The following POLR2K variants were observed in gnomAD, a reference collection of about 807,000 sequenced individuals.
POLR2K encodes the protein DNA-directed RNA polymerases I, II, and III subunit RPABC4.
POLR2K carries 9 observed loss-of-function variants against 10.1 expected under a neutral mutation model. That is an observed-to-expected ratio of 0.89 (90% CI 0.54 to 1.56). POLR2K has a LOEUF of 1.56. Ranked by LOEUF, POLR2K falls within the 40% of genes most tolerant of loss-of-function variation. POLR2K has a pLI of 0.00. For missense variants in POLR2K, 53 were observed against 71.9 expected (o/e 0.74, Z 0.95); for synonymous variants, 19 against 20.3 (o/e 0.94, Z 0.17).
chr8:100,151,674 CTATTTAATA>C, intron 2 of POLR2K, 141 bp from the exon 3 acceptor site: 2 of 594,392 alleles, frequency 3.4e-6, no homozygotes, highest in Non-Finnish European at 3.0e-6. Flanking sequence ...TTTTTCTTTC[CTATTTAATA>C]TATTTAATAA....
At chr8:100,152,750 A>G (rs547494533) in intron 3 of POLR2K, among the ~76,000 whole-genome samples, 1 of 151,992 alleles carries the variant, frequency 6.6e-6, no homozygotes, top group East Asian at 1.9e-4. Context: ...ACATTACTTT[A>G]GTGTTTTTTT....
Position 100,153,299 on chromosome 8 carries a change from GT to G in POLR2K, c.165del (p.Phe55LeufsTer29). The G allele has an allele frequency of 1.9e-6, 3 of 1,608,506 alleles. No homozygotes were observed. The highest frequency in any genetic ancestry group is 2.6e-6 in the Non-Finnish European group (3 of 1,176,056). On this transcript the variant is annotated frameshift_variant, in exon 4 of 4. Coordinates refer to ENST00000353107, the MANE Select transcript of POLR2K (RefSeq NM_005034.4). LOFTEE classifies it high-confidence loss of function. ...MYKKRTKRLV[V>X]FDAR ...CTTAACTCAAATTAATACAGTGGTCGTTTTTGATGCTCGATGAATGCTGGGA... is the reference window on the plus strand; with the variant it reads ...CTTAACTCAAATTAATACAGTGGTCGTTTTGATGCTCGATGAATGCTGGGA...
intron 1 of POLR2K, 55 bp from the exon 2 acceptor site, chr8:100,151,292 A>G: frequency 8.8e-7 from 1 of 1,132,760 alleles, no homozygotes; most frequent in Non-Finnish European, 1.4e-6. Context: ...ATGGGCCCGG[A>G]TGGACTTGTG....
chr8:100,152,876 TC>T (rs377065078), intron 3 of POLR2K, among the ~76,000 whole-genome samples: 12 of 152,154 alleles, frequency 7.9e-5, no homozygotes, highest in Admixed American at 2.0e-4. Context: ...CATGGCATTC[TC>T]CTGCCTCAGC....
At chr8:100,153,237 C>T in intron 3 of POLR2K, 57 bp from the exon 4 acceptor site, 1 of 1,293,776 alleles carries the variant, frequency 7.7e-7, no homozygotes, top group East Asian at 2.5e-5. Context: ...GACTTTGAAA[C>T]CTTCAGTCTT....
chr8:100,151,871 A>G lies in POLR2K; in HGVS notation c.109A>G (p.Arg37Gly). 6.4e-7 allele frequency: 1 copy of G among 1,566,792 alleles called. No homozygotes were observed. Among genetic ancestry groups the G allele is most frequent in the Non-Finnish European group, 8.8e-7 (1 of 1,139,710 alleles). ...EIKSRDPIRCRECGYRIMYKK... is the reference protein window; with the variant it reads ...EIKSRDPIRCGECGYRIMYKK... Reference sequence around the variant, plus strand: ...AAAATCTAGGGATCCAATCAGATGCAGAGAATGTGGATACAGAATAATGTA... The same window carrying G: ...AAAATCTAGGGATCCAATCAGATGCGGAGAATGTGGATACAGAATAATGTA... Residue 37 changes from arginine to glycine, a missense_variant, in exon 3 of 4, where the codon AGA (arginine) becomes GGA (glycine). By Grantham distance (125) the Arg-to-Gly change is moderately radical. Coordinates refer to ENST00000353107, the MANE Select transcript of POLR2K (RefSeq NM_005034.4).
intron 2 of POLR2K, 148 bp from the exon 3 acceptor site, chr8:100,151,676 A>G: frequency 1.7e-6 from 1 of 595,852 alleles, no homozygotes; most frequent in Non-Finnish European, 3.0e-6. Context: ...TTTCTTTCCT[A>G]TTTAATATAT....
In POLR2K at chr8:100,151,195, A is replaced by G. The variant is rs555986593; in HGVS notation, c.-9-152A>G. 368 of 650,890 alleles carry G rather than the reference A, an allele frequency of 5.7e-4. 2 individuals carry two copies. Among genetic ancestry groups the G allele is most frequent in the East Asian group, 4.2e-3 (155 of 36,802 alleles). 40.3% of individuals were successfully genotyped at this position (650,890 alleles called of 1,614,324 possible). On this transcript the variant is annotated intron_variant, in intron 1 of 3. Transcript: ENST00000353107. ...GGGTAAACGCTCAATACTTGTGTGT[A>G]TGCGTTTCGTCCTTGAGACCTAACC...
rs1170666631 is a variant in POLR2K at position 100,151,405 on chromosome 8, A to G, written c.50A>G (p.Tyr17Cys). 3.8e-6 allele frequency: 6 copies of G among 1,598,510 alleles called. No individual in the cohort carries two copies. Among genetic ancestry groups the G allele is most frequent in the Non-Finnish European group, 4.3e-6 (5 of 1,165,608 alleles). The stretch of plus-strand genomic sequence containing the variant: ...CCTCCAAAGCAGCAACCAATGATAT[A>G]TATCTGTGGAGGTAAGAGTAGCACT... ...VQPPKQQPMI[Y>C]ICGECHTENE... The change falls in exon 2 of 4, where the codon TAT (tyrosine) becomes TGT (cysteine). Residue 17 changes from tyrosine (Y) to cysteine (C), a missense_variant. Physicochemically the swap from Tyr to Cys is radical, Grantham distance 194. Coordinates refer to ENST00000353107, the MANE Select transcript of POLR2K (RefSeq NM_005034.4).
chr8:100,152,733 C>T (rs114103492), intron 3 of POLR2K, among the ~76,000 whole-genome samples: 43 of 152,152 alleles, frequency 2.8e-4, no homozygotes, highest in Admixed American at 9.8e-4. Flanking sequence ...ACGGATTATC[C>T]GCTTTAACAT....
chr8:100,151,223 T>C (rs1205936348), intron 1 of POLR2K, 124 bp from the exon 2 acceptor site: 1 of 735,400 alleles, frequency 1.4e-6, no homozygotes, highest in Admixed American at 2.0e-5. Context: ...ACCTAACCCA[T>C]AGGATTTGGG....
In POLR2K at chr8:100,153,427, G is replaced by A. The variant is rs14960; in HGVS notation, c.*111G>A. The A allele has an allele frequency of 4.3e-5, 39 of 902,740 alleles. No homozygotes were observed. In the African/African-American group the frequency reaches 5.0e-4, roughly 12 times the overall value. 55.9% of individuals were successfully genotyped at this position (902,740 alleles called of 1,614,324 possible). The stretch of plus-strand genomic sequence containing the variant: ...CTTACAGTAGTTCCCCCTTATCTTC[G>A]GGAGATACATTCCAAGGCCCCCAGT... On this transcript the variant is annotated 3_prime_UTR_variant, in exon 4 of 4. Coordinates refer to ENST00000353107, the MANE Select transcript of POLR2K (RefSeq NM_005034.4).
At chr8:100,151,561 C>T (rs1273764166) in intron 2 of POLR2K, 145 bp downstream of exon 2, 6 of 647,422 alleles carry the variant, frequency 9.3e-6, no homozygotes, top group Non-Finnish European at 1.6e-5. Flanking sequence ...TCGTTGAGGT[C>T]AGTAGACCTG....
chr8:100,151,529 A>G (rs1384051560), intron 2 of POLR2K, 113 bp downstream of exon 2: 24 of 745,552 alleles, frequency 3.2e-5, no homozygotes, highest in Non-Finnish European at 5.1e-5. Flanking sequence ...AAAGTAGAAC[A>G]CTTTAGCAAC....
intron 3 of POLR2K, among the ~76,000 whole-genome samples, chr8:100,152,441 C>T (rs1394602209): frequency 3.3e-5 from 5 of 152,230 alleles, no homozygotes; most frequent in Admixed American, 1.3e-4. Flanking sequence ...TGCATGACTA[C>T]ATTTATATAA....
Position 100,153,808 on chromosome 8 carries a change from T to C in POLR2K, c.*492T>C, listed in dbSNP as rs916407378. ...TATATTTGGGTATCTACTAATATTTTGTATAAAGCAATTTTTTGTTCCATT... is the reference window on the plus strand; with the variant it reads ...TATATTTGGGTATCTACTAATATTTCGTATAAAGCAATTTTTTGTTCCATT... On this transcript the variant is annotated 3_prime_UTR_variant, in exon 4 of 4. Transcript: ENST00000353107. 2.6e-5 allele frequency: 4 copies of C among 152,316 alleles called. No homozygotes were observed. The highest frequency in any genetic ancestry group is 4.4e-5 in the Non-Finnish European group (3 of 68,112). The allele number at this position is 152,316 out of a possible 1,614,324, so 9.4% of individuals were successfully genotyped here.
At chr8:100,152,640 TG>T (rs944719683) in intron 3 of POLR2K, among the ~76,000 whole-genome samples, 2 of 152,236 alleles carry the variant, frequency 1.3e-5, no homozygotes, top group African/African-American at 4.8e-5. Context: ...AAGACCAGCC[TG>T]GGCAACATAG....
chr8:100,151,291 G>A, intron 1 of POLR2K, 56 bp from the exon 2 acceptor site: 1 of 1,126,346 alleles, frequency 8.9e-7, no homozygotes. Flanking sequence ...AATGGGCCCG[G>A]ATGGACTTGT....
chr8:100,152,633 AC>A (rs1408339728), intron 3 of POLR2K, among the ~76,000 whole-genome samples: 2 of 152,222 alleles, frequency 1.3e-5, no homozygotes, highest in African/African-American at 4.8e-5. Context: ...GGAGTTCAAG[AC>A]CAGCCTGGGC....
Sources: allele counts gnomAD v4.1 joint callset (sites outside exome capture counted in the v4.1 genomes callset), GRCh38; gene constraint gnomAD v4.1.1; transcripts MANE v1.5; gene names NCBI Gene and HGNC (gene_info 2026-07-23, HGNC 2026-07-21).